The following COL4A6 variants were observed in gnomAD, a reference collection of about 807,000 sequenced individuals.
COL4A6 encodes the protein collagen type IV alpha 6 chain.
Under a neutral mutation model 126.7 loss-of-function variants are expected in COL4A6, and 59 were observed. The ratio of observed to expected loss-of-function variants is 0.47; its 90% CI spans 0.38 to 0.58. The LOEUF (loss-of-function observed/expected upper bound fraction) is 0.58. Among genes scored for constraint, COL4A6 ranks in the 20% least tolerant of loss-of-function variants. The pLI, the probability that COL4A6 is intolerant of heterozygous loss-of-function variation, is 0.00. For synonymous variants in COL4A6, 547 were observed against 496.6 expected (o/e 1.10, Z -1.35); for missense variants, 1,285 against 1,337.3 (o/e 0.96, Z 0.61).
At chrX:108,283,264 AAC>A (rs2037900953) in intron 3 of COL4A6, among the ~76,000 whole-genome samples, 1 of 112,148 alleles carries the variant, frequency 8.9e-6, no homozygotes, top group African/African-American at 3.2e-5. Context: ...ACAGTTTGAA[AAC>A]ACAGTTTGGC....
chrX:108,401,527 A>G (rs934643973), intron 2 of COL4A6, among the ~76,000 whole-genome samples: 1 of 110,861 alleles, frequency 9.0e-6, no homozygotes, highest in African/African-American at 3.3e-5. Context: ...ATACAAATAT[A>G]TACACATACA....
Position 108,194,552 on chromosome X carries a change from A to G in COL4A6, c.984T>C (p.Asn328=). 8.3e-7 allele frequency: 1 copy of G among 1,210,762 alleles called. No individual in the cohort carries two copies. ...KKGTLGFPGL[N]GFQGIEGQKG... is the part of the protein sequence containing the mutation. The stretch of plus-strand genomic sequence containing the variant: ...ACATTACCTCAATTCCTTGGAATCC[A>G]TTAAGCCCAGGAAATCCCAGGGTCC... Residue 328 remains asparagine, a synonymous_variant, in exon 16 of 45, where the codon AAT becomes AAC. Transcript: ENST00000334504.
chrX:108,374,690 T>C (rs958801263), intron 2 of COL4A6, among the ~76,000 whole-genome samples: 2 of 111,863 alleles, frequency 1.8e-5, no homozygotes, highest in African/African-American at 6.5e-5. Flanking sequence ...AGAAAAAGAG[T>C]TAGAATCTAC....
At chrX:108,425,263 G>C (rs2064056046) in intron 2 of COL4A6, among the ~76,000 whole-genome samples, 1 of 108,443 alleles carries the variant, frequency 9.2e-6, no homozygotes, top group African/African-American at 3.4e-5. Flanking sequence ...GAGACAAAGA[G>C]AGCGTGAATT....
chrX:108,304,979 T>A (rs1238020405), intron 3 of COL4A6, among the ~76,000 whole-genome samples: 1 of 112,182 alleles, frequency 8.9e-6, no homozygotes, highest in Admixed American at 9.4e-5. Context: ...GGTCAGTTGG[T>A]CAGTCTTTCA....
chrX:108,255,445 G>C (rs1027139784), intron 3 of COL4A6, among the ~76,000 whole-genome samples: 1 of 111,043 alleles, frequency 9.0e-6, no homozygotes, highest in Admixed American at 9.6e-5. Flanking sequence ...ATGAGAGAAA[G>C]ATAGTTCAAT....
chrX:108,292,031 T>A (rs1281726792), intron 3 of COL4A6, among the ~76,000 whole-genome samples: 1 of 112,038 alleles, frequency 8.9e-6, no homozygotes, highest in Non-Finnish European at 1.9e-5. Flanking sequence ...ACAACTTAAT[T>A]TTTTATGTAG....
intron 2 of COL4A6, among the ~76,000 whole-genome samples, chrX:108,422,811 T>G (rs2064003842): frequency 1.8e-5 from 2 of 111,596 alleles, no homozygotes; most frequent in Non-Finnish European, 3.8e-5. Context: ...TCAAAACAGG[T>G]GCTGGACATC....
chrX:108,294,658 T>A (rs775180730), intron 3 of COL4A6, among the ~76,000 whole-genome samples: 6 of 111,796 alleles, frequency 5.4e-5, no homozygotes, highest in Non-Finnish European at 1.1e-4. Flanking sequence ...CAGAGAGATC[T>A]GTCTTTGACT....
intron 3 of COL4A6, among the ~76,000 whole-genome samples, chrX:108,259,529 G>A (rs1250570887): frequency 1.8e-5 from 2 of 111,385 alleles, no homozygotes; most frequent in Non-Finnish European, 3.8e-5. Flanking sequence ...TTAGGAGGCC[G>A]GAATCTAGTC....
chrX:108,333,521 C>T (rs1267540706), intron 2 of COL4A6, among the ~76,000 whole-genome samples: 1 of 110,648 alleles, frequency 9.0e-6, no homozygotes, highest in African/African-American at 3.3e-5. Flanking sequence ...CAAGTTTGCC[C>T]ACTTTCACCA....
intron 2 of COL4A6, among the ~76,000 whole-genome samples, chrX:108,434,711 G>A (rs1412697535): frequency 1.9e-5 from 2 of 107,461 alleles, no homozygotes; most frequent in Non-Finnish European, 3.8e-5. Flanking sequence ...GTCATTTGAT[G>A]ATTTACTTAA....
At chrX:108,309,291 G>A in intron 3 of COL4A6, among the ~76,000 whole-genome samples, 1 of 110,632 alleles carries the variant, frequency 9.0e-6, no homozygotes. Flanking sequence ...TGTCTTCCGT[G>A]AGAGGCAGCA....
Position 108,321,157 on chromosome X carries a change from A to G in COL4A6, c.64-10329T>C, listed in dbSNP as rs944064902. ...GTCAGCTGGTATTATTTACAATTAC[A>G]GTCTCTAGTACTGTGCATGTGGATG... is the stretch of plus-strand genomic sequence containing the variant. On this transcript the variant is annotated intron_variant, in intron 2 of 44. Transcript: ENST00000334504. Among the ~76,000 whole-genome samples, 9 of 112,148 alleles carry G rather than the reference A, an allele frequency of 8.0e-5. No individual in the cohort carries two copies. The East Asian group carries it at 2.0e-3, about 24-fold the overall frequency.
intron 2 of COL4A6, among the ~76,000 whole-genome samples, chrX:108,374,553 T>C (rs924999388): frequency 8.9e-6 from 1 of 112,259 alleles, no homozygotes; most frequent in Admixed American, 9.4e-5. Context: ...CTATTTTCAA[T>C]GCACAGAGAA....
At chrX:108,391,219 C>T (rs1375126435) in intron 2 of COL4A6, among the ~76,000 whole-genome samples, 2 of 112,029 alleles carry the variant, frequency 1.8e-5, no homozygotes, top group Non-Finnish European at 3.8e-5. Context: ...AGAGCACAAA[C>T]GCTGTGCTGG....
chrX:108,353,269 CT>C (rs2039884702), intron 2 of COL4A6, among the ~76,000 whole-genome samples: 4 of 111,958 alleles, frequency 3.6e-5, no homozygotes, highest in African/African-American at 6.5e-5. Flanking sequence ...CCAAACAATC[CT>C]GAAATTCATC....
At chrX:108,342,618 T>C (rs2039592962) in intron 2 of COL4A6, among the ~76,000 whole-genome samples, 1 of 111,857 alleles carries the variant, frequency 8.9e-6, no homozygotes, top group Admixed American at 9.5e-5. Context: ...CGAATAATTA[T>C]GGGTAGACAT....
intron 33 of COL4A6, 120 bp downstream of exon 33, chrX:108,171,267 T>C (rs1193774014): frequency 8.9e-6 from 5 of 563,174 alleles, no homozygotes; most frequent in Non-Finnish European, 1.5e-5. Flanking sequence ...AATTGATAGA[T>C]AGGAAATTTT....
Sources: allele counts gnomAD v4.1 joint callset (sites outside exome capture counted in the v4.1 genomes callset), GRCh38; gene constraint gnomAD v4.1.1; transcripts MANE v1.5; gene names NCBI Gene and HGNC (gene_info 2026-07-23, HGNC 2026-07-21).